Variants in MDGA2 observed in about 807,000 individuals in gnomAD.
MDGA2 encodes the protein MAM domain containing glycosylphosphatidylinositol anchor 2, also known as MAM domain-containing glycosylphosphatidylinositol anchor protein 2.
Under a neutral mutation model 117.8 loss-of-function variants are expected in MDGA2, and 40 were observed. That is an observed-to-expected ratio of 0.34 (90% CI 0.26 to 0.44). The LOEUF is 0.44. Among genes scored for constraint, MDGA2 ranks in the 20% least tolerant of loss-of-function variants. MDGA2 has a pLI of 1.00. For missense variants in MDGA2, 1,123 were observed against 1,250.6 expected (o/e 0.90, Z 1.54); for synonymous variants, 452 against 439.0 (o/e 1.03, Z -0.37).
intron 1 of MDGA2, among the ~76,000 whole-genome samples, chr14:47,658,567 C>A (rs2138285807): frequency 6.6e-6 from 1 of 152,220 alleles, no homozygotes; most frequent in African/African-American, 2.4e-5. Context: ...AAAAGGCCAG[C>A]TCCTGGAGGG....
At chr14:47,296,857 T>C (rs1889091661) in intron 2 of MDGA2, among the ~76,000 whole-genome samples, 1 of 152,222 alleles carries the variant, frequency 6.6e-6, no homozygotes, top group Non-Finnish European at 1.5e-5. Flanking sequence ...TTATACACAT[T>C]TGAGAGTACT....
At chr14:46,881,112 G>A (rs1053752252) in intron 11 of MDGA2, among the ~76,000 whole-genome samples, 1 of 150,436 alleles carries the variant, frequency 6.6e-6, no homozygotes, top group African/African-American at 2.4e-5. Flanking sequence ...ACCAAAATCC[G>A]GCAACTAAGA....
chr14:46,975,970 G>T (rs1346486298), intron 8 of MDGA2, among the ~76,000 whole-genome samples: 1 of 152,036 alleles, frequency 6.6e-6, no homozygotes, highest in African/African-American at 2.4e-5. Flanking sequence ...CTCCCAAAAG[G>T]ATCAACCTTC....
Position 47,465,689 on chromosome 14 carries a change from G to C in MDGA2, c.281-164139C>G, listed in dbSNP as rs1172485625. ...AAAAAGTCAAAAAATAACAGACGCT[G>C]GCAAGGTGGCAGAAAAAAGGGGAAA... On this transcript the variant is annotated intron_variant, in intron 1 of 16. Transcript: ENST00000399232. Among the ~76,000 whole-genome samples the C allele has an allele frequency of 2.0e-5, 3 of 152,222 alleles. No homozygotes were observed. The East Asian group carries it at 5.8e-4, about 29-fold the overall frequency.
At chr14:46,980,121 T>A (rs979576300) in intron 8 of MDGA2, among the ~76,000 whole-genome samples, 1 of 152,188 alleles carries the variant, frequency 6.6e-6, no homozygotes, top group Non-Finnish European at 1.5e-5. Flanking sequence ...AGAATTATGC[T>A]AAATCAACAT....
chr14:47,344,852 G>A (rs8013050), intron 1 of MDGA2, among the ~76,000 whole-genome samples: 49,809 of 147,832 alleles, frequency 0.34, 9,079 homozygotes, highest in Admixed American at 0.53. Context: ...ACTACAGACA[G>A]GGGTGTCTCT....
At chr14:46,910,601 A>T (rs1310214022) in intron 10 of MDGA2, among the ~76,000 whole-genome samples, 1 of 152,164 alleles carries the variant, frequency 6.6e-6, no homozygotes, top group Non-Finnish European at 1.5e-5. Flanking sequence ...CACCACTCTT[A>T]ATTCAACATA....
At chr14:47,328,072 C>T (rs1398853672) in intron 1 of MDGA2, among the ~76,000 whole-genome samples, 1 of 152,132 alleles carries the variant, frequency 6.6e-6, no homozygotes, top group Admixed American at 6.6e-5. Context: ...AACAGAAACA[C>T]TGTTCTTCCT....
chr14:47,497,796 T>A (rs1446699753), intron 1 of MDGA2, among the ~76,000 whole-genome samples: 1 of 152,170 alleles, frequency 6.6e-6, no homozygotes, highest in African/African-American at 2.4e-5. Context: ...TATTTTCCCT[T>A]TATAACTACT....
chr14:47,651,994 C>T (rs752174826), intron 1 of MDGA2, among the ~76,000 whole-genome samples: 2 of 152,078 alleles, frequency 1.3e-5, no homozygotes, highest in East Asian at 3.9e-4. Context: ...ACATACGGAT[C>T]TGGAGCTCAG....
At chr14:47,219,443 C>T (rs1886218243) in intron 2 of MDGA2, among the ~76,000 whole-genome samples, 1 of 151,792 alleles carries the variant, frequency 6.6e-6, no homozygotes, top group East Asian at 1.9e-4. Flanking sequence ...ATATGGAATA[C>T]ACAAAGATGC....
chr14:46,904,575 C>T (rs1252058591), intron 10 of MDGA2, among the ~76,000 whole-genome samples: 2 of 152,056 alleles, frequency 1.3e-5, no homozygotes, highest in Non-Finnish European at 2.9e-5. Flanking sequence ...CGTGAGCAAC[C>T]TAAAAAGCGT....
At chr14:47,672,125 ATCT>A (rs1194503800) in intron 1 of MDGA2, among the ~76,000 whole-genome samples, 1 of 152,200 alleles carries the variant, frequency 6.6e-6, no homozygotes. Flanking sequence ...TAGGGGCCTA[ATCT>A]TCTTTGAGAA....
At chr14:47,470,889 C>G (rs1386323681) in intron 1 of MDGA2, among the ~76,000 whole-genome samples, 3 of 152,134 alleles carry the variant, frequency 2.0e-5, no homozygotes, top group Non-Finnish European at 4.4e-5. Context: ...AGTAATGAGA[C>G]TATTTTTCCC....
intron 1 of MDGA2, among the ~76,000 whole-genome samples, chr14:47,358,966 C>G (rs1891053414): frequency 1.3e-5 from 2 of 152,064 alleles, no homozygotes; most frequent in Admixed American, 1.3e-4. Context: ...AACAAAAAAA[C>G]TCTAAAATTT....
chr14:47,079,014 T>C (rs1890601535), intron 6 of MDGA2, among the ~76,000 whole-genome samples: 1 of 151,138 alleles, frequency 6.6e-6, no homozygotes, highest in South Asian at 2.1e-4. Context: ...TTTTTTTAGA[T>C]TCCACATGTA....
chr14:47,369,001 AT>A (rs1891288486), intron 1 of MDGA2, among the ~76,000 whole-genome samples: 1 of 152,160 alleles, frequency 6.6e-6, no homozygotes, highest in African/African-American at 2.4e-5. Flanking sequence ...ATGCAGAACA[AT>A]TTTGATACTA....
At chr14:47,577,797 T>C (rs964880868) in intron 1 of MDGA2, among the ~76,000 whole-genome samples, 2 of 152,182 alleles carry the variant, frequency 1.3e-5, no homozygotes, top group African/African-American at 2.4e-5. Context: ...TGTTTAGAAA[T>C]AGAAATGCTT....
intron 3 of MDGA2, among the ~76,000 whole-genome samples, chr14:47,173,872 G>C (rs1884304807): frequency 6.6e-6 from 1 of 152,096 alleles, no homozygotes; most frequent in Non-Finnish European, 1.5e-5. Flanking sequence ...ATAGAGTCAA[G>C]ACCCATCAGT....
Sources: gnomAD v4.1 joint callset for allele counts (sites outside exome capture counted in the v4.1 genomes callset) on GRCh38, gnomAD v4.1.1 for gene constraint, MANE v1.5 for transcripts, NCBI Gene and HGNC (gene_info 2026-07-23, HGNC 2026-07-21) for gene names.